OLA1: variants seen among roughly 807,000 people sequenced by gnomAD.
The protein encoded by OLA1 is Obg like ATPase 1.
In OLA1, 14 loss-of-function variants were observed where a neutral mutation model predicts 48.4. The observed-to-expected ratio is 0.29, with a 90% CI of 0.19 to 0.45. OLA1 has a LOEUF of 0.45. OLA1 is among the 20% of genes least tolerant of loss of function. The probability of loss-of-function intolerance (pLI) is 1.00; values close to 1 mark genes in which losing one functional copy is unlikely to be tolerated. For synonymous variants in OLA1, 127 were observed against 150.4 expected (o/e 0.84, Z 1.14); for missense variants, 325 against 467.1 (o/e 0.70, Z 2.80).
intron 4 of OLA1, among the ~76,000 whole-genome samples, chr2:174,158,561 C>G (rs1175234906): frequency 6.6e-6 from 1 of 152,054 alleles, no homozygotes; most frequent in Non-Finnish European, 1.5e-5. Flanking sequence ...ACAAAAAGTT[C>G]TGACATCATC....
chr2:174,243,977 G>A (rs193157027), intron 2 of OLA1, among the ~76,000 whole-genome samples: 2 of 152,124 alleles, frequency 1.3e-5, no homozygotes, highest in East Asian at 1.9e-4. Flanking sequence ...AAGTCCGGTC[G>A]GATTTCCTTA....
chr2:174,158,907 C>T (rs767488821), intron 4 of OLA1, among the ~76,000 whole-genome samples: 8 of 152,174 alleles, frequency 5.3e-5, no homozygotes, highest in Non-Finnish European at 7.3e-5. Context: ...TTATTCCCCT[C>T]CATTTCCATC....
At chr2:174,181,050 A>G (rs1687521837) in intron 4 of OLA1, among the ~76,000 whole-genome samples, 1 of 152,136 alleles carries the variant, frequency 6.6e-6, no homozygotes, top group African/African-American at 2.4e-5. Context: ...TCATTCACTC[A>G]CTCATTCAAC....
chr2:174,115,526 T>TA (rs1454846601), intron 7 of OLA1, among the ~76,000 whole-genome samples: 1 of 152,244 alleles, frequency 6.6e-6, no homozygotes, highest in Non-Finnish European at 1.5e-5. Flanking sequence ...AGAACATGTT[T>TA]AAAATGTTTC....
At chr2:174,225,523 T>C (rs1232529951) in intron 3 of OLA1, among the ~76,000 whole-genome samples, 1 of 151,964 alleles carries the variant, frequency 6.6e-6, no homozygotes, top group African/African-American at 2.4e-5. Context: ...CACTCCAGCC[T>C]GGGCAACAAT....
At chr2:174,127,669 T>G (rs1312615437) in intron 5 of OLA1, among the ~76,000 whole-genome samples, 1 of 152,108 alleles carries the variant, frequency 6.6e-6, no homozygotes, top group Non-Finnish European at 1.5e-5. Context: ...AAGGGATCCA[T>G]AATCCAAAAA....
chr2:174,238,512 A>AG (rs1688914752), intron 2 of OLA1, among the ~76,000 whole-genome samples: 1 of 150,114 alleles, frequency 6.7e-6, no homozygotes, highest in African/African-American at 2.4e-5. Flanking sequence ...AAAAAAAAAA[A>AG]AGAGAAAAAA....
chr2:174,232,451 T>C (rs1688750319), intron 2 of OLA1, among the ~76,000 whole-genome samples: 1 of 151,948 alleles, frequency 6.6e-6, no homozygotes, highest in African/African-American at 2.4e-5. Context: ...TGCCAATCCA[T>C]GTATACATGG....
intron 7 of OLA1, among the ~76,000 whole-genome samples, chr2:174,087,246 G>A (rs1685002716): frequency 6.6e-6 from 1 of 151,826 alleles, no homozygotes; most frequent in South Asian, 2.1e-4. Context: ...AGAGGGTCTC[G>A]GTCTCTTGAC....
At chr2:174,207,306 G>A (rs1688138244) in intron 4 of OLA1, among the ~76,000 whole-genome samples, 2 of 152,074 alleles carry the variant, frequency 1.3e-5, no homozygotes, top group African/African-American at 4.8e-5. Context: ...AACTAAAGTA[G>A]CTCTCTGGAA....
chr2:174,191,940 T>G (rs770801049), intron 4 of OLA1, among the ~76,000 whole-genome samples: 2 of 152,188 alleles, frequency 1.3e-5, no homozygotes. Context: ...CGGCAGCAGT[T>G]TGCCAATCCC....
intron 4 of OLA1, among the ~76,000 whole-genome samples, chr2:174,151,304 C>T (rs754538852): frequency 1.2e-4 from 18 of 152,244 alleles, no homozygotes; most frequent in African/African-American, 3.1e-4. Context: ...CTCAAGAAAA[C>T]GATGTCAACC....
intron 3 of OLA1, among the ~76,000 whole-genome samples, chr2:174,225,910 C>T (rs1468045188): frequency 8.9e-6 from 1 of 112,708 alleles, no homozygotes; most frequent in African/African-American, 3.0e-5. Flanking sequence ...AAATGAGCTT[C>T]TCGGCCGGGC....
rs757606285 is a variant in OLA1 at position 174,081,938 on chromosome 2, C to T, written c.855G>A (p.Ala285=). 13 of 1,611,528 alleles carry T rather than the reference C, an allele frequency of 8.1e-6. No homozygotes were observed. Among genetic ancestry groups the T allele is most frequent in the South Asian group, 7.7e-5 (7 of 90,932 alleles). The change falls in exon 8 of 11, where the codon GCG becomes GCA. Residue 285 remains alanine, a synonymous_variant. Coordinates refer to ENST00000284719, the MANE Select transcript of OLA1 (RefSeq NM_013341.5). The stretch of plus-strand genomic sequence containing the variant: ...TGCTAATTAACCTTTGTGTCATGTT[C>T]GCTTCCAGATACTTCTGTCTCTCCT... ...SAEERQKYLE[A]NMTQSALPKI... is the part of the protein sequence containing the mutation.
At chr2:174,122,737 CTT>C (rs57470671) in intron 7 of OLA1, among the ~76,000 whole-genome samples, 30 of 136,654 alleles carry the variant, frequency 2.2e-4, no homozygotes, top group Non-Finnish European at 2.6e-4. Context: ...CACACACAGT[CTT>C]TTTTTTTTTT....
chr2:174,229,269 C>A lies in OLA1; in HGVS notation c.245+39G>T, dbSNP rs747475561. 5.6e-6 allele frequency: 9 copies of A among 1,598,742 alleles called. No homozygotes were observed. The African/African-American group carries it at 9.4e-5, about 17-fold the overall frequency. ...TGACTTTAAACATCTGCCCAATCTACACAAAATCACCAAATAAATAGCATA... is the reference window on the plus strand; with the variant it reads ...TGACTTTAAACATCTGCCCAATCTAAACAAAATCACCAAATAAATAGCATA... On this transcript the variant is annotated intron_variant, in intron 3 of 10. Transcript: ENST00000284719.
At chr2:174,119,589 A>G (rs1034606837) in intron 7 of OLA1, among the ~76,000 whole-genome samples, 1 of 152,046 alleles carries the variant, frequency 6.6e-6, no homozygotes, top group Admixed American at 6.6e-5. Flanking sequence ...AAGAAAATAT[A>G]TTTATTCCAT....
chr2:174,199,839 C>T (rs1338261411), intron 4 of OLA1, among the ~76,000 whole-genome samples: 1 of 152,152 alleles, frequency 6.6e-6, no homozygotes, highest in African/African-American at 2.4e-5. Flanking sequence ...TCACAATTAT[C>T]TGAAAGGTTA....
In OLA1 at chr2:174,073,921, A is replaced by G. The variant is rs1242936081; in HGVS notation, c.*1505T>C. On this transcript the variant is annotated 3_prime_UTR_variant, in exon 11 of 11. Coordinates refer to ENST00000284719, the MANE Select transcript of OLA1 (RefSeq NM_013341.5). ...AAAACCCTTCATTAGTTTTATTCTT[A>G]TTTCTCTGCTGTAGTTTACTCATTT... 1 of 152,088 alleles carries G rather than the reference A, an allele frequency of 6.6e-6. No homozygotes were observed. The highest frequency in any genetic ancestry group is 2.4e-5 in the African/African-American group (1 of 41,412). The allele number at this position is 152,088 out of a possible 1,614,324, so 9.4% of individuals were successfully genotyped here. A position where few individuals can be genotyped will look rare whatever the true frequency, so the allele number is the denominator to read the frequency against.
Sources: gnomAD v4.1 joint callset for allele counts (sites outside exome capture counted in the v4.1 genomes callset) on GRCh38, gnomAD v4.1.1 for gene constraint, MANE v1.5 for transcripts, NCBI Gene and HGNC (gene_info 2026-07-23, HGNC 2026-07-21) for gene names.